CCDC93: variants seen among roughly 807,000 people sequenced by gnomAD.
CCDC93 encodes coiled-coil domain-containing protein 93.
A neutral mutation model predicts 108.2 loss-of-function variants in CCDC93; 61 were observed. The observed-to-expected ratio is 0.56, with a 90% CI of 0.46 to 0.70. The LOEUF (loss-of-function observed/expected upper bound fraction) is 0.70. Ranked by LOEUF, CCDC93 falls within the 30% of genes least tolerant of loss-of-function variation. The pLI is 0.00. For missense variants in CCDC93, 685 were observed against 764.2 expected (o/e 0.90, Z 1.22); for synonymous variants, 276 against 260.4 (o/e 1.06, Z -0.58).
intron 11 of CCDC93, 139 bp downstream of exon 11, chr2:117,973,769 C>T (rs1679842111): frequency 1.2e-5 from 8 of 683,622 alleles, no homozygotes; most frequent in South Asian, 1.1e-4. Flanking sequence ...CATGGTAAAG[C>T]CCAGTGTGTT....
Position 117,992,768 on chromosome 2 carries a change from G to A in CCDC93, c.519+2678C>T, listed in dbSNP as rs1397551090. Among the ~76,000 whole-genome samples the A allele has an allele frequency of 1.3e-4, 18 of 137,852 alleles. No individual in the cohort carries two copies. In the East Asian group the frequency reaches 2.9e-3, roughly 22 times the overall value. 90.4% of individuals were successfully genotyped at this position (137,852 alleles called of 152,430 possible). On this transcript the variant is annotated intron_variant, in intron 6 of 23. Transcript: ENST00000376300. ...CTTCATGGGATTGTTGTGAGGACTAGATGAGTTAGAGATGAACACCCAGAA... is the reference window on the plus strand; with the variant it reads ...CTTCATGGGATTGTTGTGAGGACTAAATGAGTTAGAGATGAACACCCAGAA...
At chr2:117,966,598 G>A (rs1302292253) in intron 11 of CCDC93, among the ~76,000 whole-genome samples, 1 of 152,248 alleles carries the variant, frequency 6.6e-6, no homozygotes, top group Non-Finnish European at 1.5e-5. Context: ...GCATCATAAA[G>A]TGGAATAAAA....
At position 117,935,695 on chromosome 2, in the gene CCDC93, T is replaced by C. The variant is rs1288506317; in HGVS notation, c.1644-116A>G. On this transcript the variant is annotated intron_variant, in intron 21 of 23. Coordinates refer to ENST00000376300, the MANE Select transcript of CCDC93 (RefSeq NM_019044.5). ...ACTCTTAGGAGAGGCAATCAGGTCT[T>C]TGTAACGCACAGTGGAGCCACGGGG... The C allele has an allele frequency of 8.3e-6, 6 of 722,330 alleles. No homozygotes were observed. The East Asian group carries it at 1.6e-4, about 20-fold the overall frequency. The allele number at this position is 722,330 out of a possible 1,614,324, so 44.7% of individuals were successfully genotyped here. A position where few individuals can be genotyped will look rare whatever the true frequency, so the allele number is the denominator to read the frequency against.
chr2:117,973,427 AAAG>A (rs1365159643), intron 11 of CCDC93, among the ~76,000 whole-genome samples: 4 of 151,662 alleles, frequency 2.6e-5, no homozygotes, highest in South Asian at 4.2e-4. Context: ...AAAAAAAAAA[AAAG>A]CAAACTCTGA....
At chr2:117,957,764 A>G (rs975255925) in intron 12 of CCDC93, among the ~76,000 whole-genome samples, 2 of 152,108 alleles carry the variant, frequency 1.3e-5, no homozygotes, top group African/African-American at 2.4e-5. Flanking sequence ...CATATAGCCC[A>G]TACAGACTTC....
chr2:117,922,466 A>G (rs1017357258), intron 23 of CCDC93, among the ~76,000 whole-genome samples: 1 of 152,192 alleles, frequency 6.6e-6, no homozygotes, highest in African/African-American at 2.4e-5. Flanking sequence ...ACCGAAAGCC[A>G]GCTTCACAAA....
At chr2:117,944,433 T>C (rs1002918203) in intron 17 of CCDC93, among the ~76,000 whole-genome samples, 4 of 152,038 alleles carry the variant, frequency 2.6e-5, no homozygotes, top group African/African-American at 9.7e-5. Context: ...TGTTTGGAGA[T>C]GATGCTAGTT....
chr2:117,950,656 C>T, intron 13 of CCDC93: 1 of 985,418 alleles, frequency 1.0e-6, no homozygotes, highest in Non-Finnish European at 1.2e-6. Context: ...CTGCTTACTC[C>T]TAACCTTGAT....
chr2:117,955,211 G>A (rs1679180570), intron 12 of CCDC93, among the ~76,000 whole-genome samples: 1 of 152,162 alleles, frequency 6.6e-6, no homozygotes, highest in South Asian at 2.1e-4. Context: ...TACTATTACT[G>A]ACAGATAGAT....
At chr2:118,004,830 C>T (rs1676820235) in intron 3 of CCDC93, among the ~76,000 whole-genome samples, 1 of 152,304 alleles carries the variant, frequency 6.6e-6, no homozygotes, top group South Asian at 2.1e-4. Context: ...ATAACACATC[C>T]TCAATCCCTT....
intron 11 of CCDC93, among the ~76,000 whole-genome samples, chr2:117,958,980 C>T (rs1282926116): frequency 6.6e-6 from 1 of 152,156 alleles, no homozygotes; most frequent in Non-Finnish European, 1.5e-5. Context: ...TTTCCTATTT[C>T]TGATGTTCTG....
chr2:117,987,198 A>G lies in CCDC93; in HGVS notation c.520-1129T>C, dbSNP rs536991536. ...CATATATATCTCACCTTTCTTTTAC[A>G]CTTTATAAACCACACTGTGAAGTAG... is the stretch of plus-strand genomic sequence containing the variant. On this transcript the variant is annotated intron_variant, in intron 6 of 23. Transcript: ENST00000376300. Among the ~76,000 whole-genome samples the G allele has an allele frequency of 1.2e-3, 176 of 152,288 alleles. 1 individual carries two copies. Among genetic ancestry groups the G allele is most frequent in the African/African-American group, 4.1e-3 (169 of 41,562 alleles).
At chr2:117,950,956 T>C in intron 13 of CCDC93, 1 of 985,438 alleles carries the variant, frequency 1.0e-6, no homozygotes, top group Non-Finnish European at 1.2e-6. Flanking sequence ...CAATGTTGGC[T>C]GCTGTTTTCA....
At chr2:117,977,653 A>G (rs547722077) in intron 8 of CCDC93, among the ~76,000 whole-genome samples, 2 of 152,294 alleles carry the variant, frequency 1.3e-5, no homozygotes, top group South Asian at 2.1e-4. Context: ...TCCTGTTCAC[A>G]TCTATTTAGA....
intron 11 of CCDC93, among the ~76,000 whole-genome samples, chr2:117,972,052 T>C (rs1192102210): frequency 2.0e-5 from 3 of 152,204 alleles, no homozygotes; most frequent in Non-Finnish European, 4.4e-5. Flanking sequence ...TACTCTGCAG[T>C]CGGCTGTACG....
At chr2:117,998,986 A>T (rs1407759558) in intron 4 of CCDC93, 2 of 152,240 alleles carry the variant, frequency 1.3e-5, no homozygotes, top group Non-Finnish European at 2.9e-5. Flanking sequence ...AGCAGAGGGG[A>T]AGACTCAACA....
intron 12 of CCDC93, among the ~76,000 whole-genome samples, chr2:117,953,568 C>T (rs1276127116): frequency 2.0e-5 from 3 of 151,848 alleles, no homozygotes; most frequent in Non-Finnish European, 4.4e-5. Context: ...TAGTGTCTGC[C>T]CCAAATTTGT....
chr2:117,939,198 G>A (rs1338441750), intron 19 of CCDC93, 87 bp from the exon 20 acceptor site: 13 of 787,382 alleles, frequency 1.7e-5, no homozygotes, highest in Non-Finnish European at 2.6e-5. Flanking sequence ...GCACTGCCAG[G>A]ACAACTTTGT....
intron 11 of CCDC93, among the ~76,000 whole-genome samples, chr2:117,965,745 G>A (rs1305857325): frequency 3.3e-5 from 5 of 151,994 alleles, no homozygotes; most frequent in Non-Finnish European, 5.9e-5. Flanking sequence ...TGACTCACGC[G>A]TAACGCAATC....
Sources: gnomAD v4.1 joint callset for allele counts (sites outside exome capture counted in the v4.1 genomes callset) on GRCh38, gnomAD v4.1.1 for gene constraint, MANE v1.5 for transcripts, NCBI Gene and HGNC (gene_info 2026-07-23, HGNC 2026-07-21) for gene names.